CYP4B1: variants seen among roughly 807,000 people sequenced by gnomAD.
CYP4B1 encodes cytochrome P450 family 4 subfamily B member 1, also known as cytochrome P450 4B1.
CYP4B1 carries 45 observed loss-of-function variants against 54.0 expected under a neutral mutation model. The observed-to-expected ratio is 0.83, with a 90% CI of 0.66 to 1.07. CYP4B1 has a LOEUF of 1.07. Among genes scored for constraint, CYP4B1 ranks in the 50% least tolerant of loss-of-function variants. The pLI is 0.00. For missense variants in CYP4B1, 656 were observed against 655.4 expected, an observed-to-expected ratio of 1.00 and a Z score of -0.01; for synonymous variants, 248 against 247.5, an observed-to-expected ratio of 1.00 and a Z score of -0.02.
At position 46,799,259 on chromosome 1, in the gene CYP4B1, G is replaced by A. The variant is rs954937628; in HGVS notation, c.178G>A (p.Glu60Lys). The change falls in exon 1 of 12, where the codon GAG becomes AAG. Residue 60 changes from glutamate (E) to lysine (K), a missense_variant and splice_region_variant. Coordinates refer to ENST00000371923, the MANE Select transcript of CYP4B1 (RefSeq NM_001099772.2). ...CCACTGGCTTTTTGGACATGCCCTC[G>A]AGGTATGTGGAGGTCGGGAGGGTGG... ...PTHWLFGHAL[E>K]IQETGSLDKV... is the part of the protein sequence containing the mutation. 7.6e-6 allele frequency: 12 copies of A among 1,582,196 alleles called. No individual in the cohort carries two copies. Among genetic ancestry groups the A allele is most frequent in the Middle Eastern group, 1.7e-4 (1 of 6,048 alleles).
intron 1 of CYP4B1, among the ~76,000 whole-genome samples, chr1:46,804,764 A>T (rs1293310326): frequency 6.6e-6 from 1 of 152,102 alleles, no homozygotes; most frequent in African/African-American, 2.4e-5. Context: ...GGGGAGAGGT[A>T]GAGAGGGCAG....
At chr1:46,800,298 C>CTTCT (rs1178430386) in intron 1 of CYP4B1, among the ~76,000 whole-genome samples, 1 of 87,976 alleles carries the variant, frequency 1.1e-5, no homozygotes, top group Non-Finnish European at 2.1e-5. Flanking sequence ...TCCTTCCTTC[C>CTTCT]TTCTTTCCTT....
At chr1:46,809,450 T>A (rs1679008172) in intron 1 of CYP4B1, among the ~76,000 whole-genome samples, 1 of 152,200 alleles carries the variant, frequency 6.6e-6, no homozygotes, top group Non-Finnish European at 1.5e-5. Context: ...TGAGAGAGAA[T>A]TTTACGGAGA....
chr1:46,815,729 C>T (rs1679309465), intron 8 of CYP4B1, among the ~76,000 whole-genome samples: 1 of 152,198 alleles, frequency 6.6e-6, no homozygotes, highest in South Asian at 2.1e-4. Context: ...GAAAAGACTT[C>T]CCCAAACTTC....
chr1:46,813,970 G>T lies in CYP4B1; in HGVS notation c.682G>T (p.Val228Leu), dbSNP rs767284537. The stretch of plus-strand genomic sequence containing the variant: ...CACTCTGTTGATGCAGCAGCGCCTT[G>T]TGTCCTTCCAGTACCATAATGACTT... ...DLTLLMQQRL[V>L]SFQYHNDFIY... Residue 228 changes from valine to leucine, a missense_variant, in exon 6 of 12, where the codon GTG (valine) becomes TTG (leucine). Physicochemically the swap from Val to Leu is conservative, Grantham distance 32. Transcript: ENST00000371923. 5 of 1,614,030 alleles carry T rather than the reference G, an allele frequency of 3.1e-6. No individual in the cohort carries two copies. In the African/African-American group the frequency reaches 5.3e-5, roughly 17 times the overall value.
chr1:46,802,744 G>C (rs373585450), intron 1 of CYP4B1, among the ~76,000 whole-genome samples: 3 of 152,174 alleles, frequency 2.0e-5, no homozygotes, highest in African/African-American at 7.2e-5. Context: ...GAGGAACTAG[G>C]TCTGTAGGAG....
intron 1 of CYP4B1, among the ~76,000 whole-genome samples, chr1:46,804,973 T>C (rs1396051431): frequency 1.3e-5 from 2 of 152,180 alleles, no homozygotes; most frequent in African/African-American, 4.8e-5. Context: ...TCTTGGTGTA[T>C]TTGATTCTTT....
At chr1:46,806,426 G>A (rs754158323) in intron 1 of CYP4B1, among the ~76,000 whole-genome samples, 7 of 152,168 alleles carry the variant, frequency 4.6e-5, no homozygotes, top group South Asian at 4.1e-4. Flanking sequence ...ACTGAGCTTC[G>A]GGTCAACTGG....
intron 1 of CYP4B1, among the ~76,000 whole-genome samples, chr1:46,802,402 CTG>C: frequency 6.6e-6 from 1 of 152,318 alleles, no homozygotes; most frequent in East Asian, 1.9e-4. Context: ...CTTTACCTCT[CTG>C]TGCTTCTGTT....
rs771709446 is a variant in CYP4B1, at chr1:46,818,218, G to T, written c.1355+5G>T. On this transcript the variant is annotated splice_donor_5th_base_variant and intron_variant, in intron 11 of 11. Coordinates refer to ENST00000371923, the MANE Select transcript of CYP4B1 (RefSeq NM_001099772.2). The stretch of plus-strand genomic sequence containing the variant: ...GCCCTTCTCTGCTGGGCCCAGGTAT[G>T]GAGAGACCCAGTATCCCAGGCCCTC... 6.2e-7 allele frequency: 1 copy of T among 1,613,618 alleles called. No homozygotes were observed. Among genetic ancestry groups the T allele is most frequent in the Non-Finnish European group, 8.5e-7 (1 of 1,179,562 alleles).
chr1:46,801,263 C>T (rs996976022), intron 1 of CYP4B1, among the ~76,000 whole-genome samples: 8 of 152,280 alleles, frequency 5.3e-5, no homozygotes, highest in Non-Finnish European at 8.8e-5. Context: ...TGAGGTCTGA[C>T]GCTAAAAGGG....
At chr1:46,803,643 G>C (rs891649171) in intron 1 of CYP4B1, among the ~76,000 whole-genome samples, 2 of 152,164 alleles carry the variant, frequency 1.3e-5, no homozygotes, top group African/African-American at 4.8e-5. Context: ...TCAGTGTCTG[G>C]GTATGGGATC....
At chr1:46,815,697 T>C (rs928843541) in intron 8 of CYP4B1, among the ~76,000 whole-genome samples, 2 of 152,190 alleles carry the variant, frequency 1.3e-5, no homozygotes, top group Non-Finnish European at 2.9e-5. Flanking sequence ...CCAGATGCCA[T>C]ATCTCTCCTG....
Position 46,799,060 on chromosome 1 carries a change from C to T in CYP4B1, c.-22C>T. On this transcript the variant is annotated 5_prime_UTR_variant, in exon 1 of 12. Coordinates refer to ENST00000371923, the MANE Select transcript of CYP4B1 (RefSeq NM_001099772.2). ...CAGCTGAAGGCAGGTCAGATGAAGG[C>T]TAGGTGGCTGGAACTGCAACCATGG... 1 of 1,613,026 alleles carries T rather than the reference C, an allele frequency of 6.2e-7. No individual in the cohort carries two copies. Among genetic ancestry groups the T allele is most frequent in the Non-Finnish European group, 8.5e-7 (1 of 1,179,464 alleles).
Position 46,799,273 on chromosome 1 carries a change from T to A in CYP4B1, c.180+12T>A, listed in dbSNP as rs1678512173. Reference sequence around the variant, plus strand: ...GACATGCCCTCGAGGTATGTGGAGGTCGGGAGGGTGGGGGAGAAAGAAAAC... The same window carrying A: ...GACATGCCCTCGAGGTATGTGGAGGACGGGAGGGTGGGGGAGAAAGAAAAC... On this transcript the variant is annotated intron_variant, in intron 1 of 11. Coordinates refer to ENST00000371923, the MANE Select transcript of CYP4B1 (RefSeq NM_001099772.2). 6.4e-7 allele frequency: 1 copy of A among 1,571,836 alleles called. No individual in the cohort carries two copies. The highest frequency in any genetic ancestry group is 1.2e-5 in the South Asian group (1 of 85,858).
At chr1:46,813,677 C>T in intron 5 of CYP4B1, 71 bp downstream of exon 5, 1 of 1,596,022 alleles carries the variant, frequency 6.3e-7, no homozygotes, top group Non-Finnish European at 8.5e-7. Flanking sequence ...GGCAGGGGTC[C>T]TGGGCTCTGA....
At chr1:46,817,884 C>A (rs190875616) in intron 9 of CYP4B1, 81 bp from the exon 10 acceptor site, 35 of 1,255,676 alleles carry the variant, frequency 2.8e-5, no homozygotes, top group African/African-American at 1.5e-5. Flanking sequence ...GTTAAGGGGT[C>A]ACTAGGGGAC....
At chr1:46,817,550 G>A (rs1421801482) in intron 9 of CYP4B1, among the ~76,000 whole-genome samples, 1 of 152,218 alleles carries the variant, frequency 6.6e-6, no homozygotes, top group Non-Finnish European at 1.5e-5. Context: ...GTATGTGGTA[G>A]CTTCATAAAG....
chr1:46,809,413 A>G (rs1032900805), intron 1 of CYP4B1, among the ~76,000 whole-genome samples: 1 of 152,228 alleles, frequency 6.6e-6, no homozygotes, highest in Non-Finnish European at 1.5e-5. Flanking sequence ...ATTTGTTTGG[A>G]TACTATCAGT....
Sources: gnomAD v4.1 joint callset for allele counts (sites outside exome capture counted in the v4.1 genomes callset) on GRCh38, gnomAD v4.1.1 for gene constraint, MANE v1.5 for transcripts, NCBI Gene and HGNC (gene_info 2026-07-23, HGNC 2026-07-21) for gene names.